ACBD6: variants seen among roughly 807,000 people sequenced by gnomAD.
ACBD6 encodes acyl-CoA-binding domain-containing protein 6.
ACBD6 carries 28 observed loss-of-function variants against 37.2 expected under a neutral mutation model. The observed-to-expected ratio is 0.75, with a 90% CI of 0.56 to 1.03. The LOEUF is 1.03. ACBD6 is among the 50% of genes least tolerant of loss of function. The pLI is 0.00. For synonymous variants in ACBD6, 113 were observed against 126.8 expected, an observed-to-expected ratio of 0.89 and a Z score of 0.73; for missense variants, 340 against 337.4, an observed-to-expected ratio of 1.01 and a Z score of -0.06.
intron 6 of ACBD6, among the ~76,000 whole-genome samples, chr1:180,355,286 A>G (rs1468864817): frequency 6.6e-6 from 1 of 152,226 alleles, no homozygotes; most frequent in African/African-American, 2.4e-5. Flanking sequence ...TCCCAACCTT[A>G]TGCTCTTAAC....
chr1:180,437,519 A>C (rs971464175), intron 3 of ACBD6, among the ~76,000 whole-genome samples: 2 of 152,176 alleles, frequency 1.3e-5, no homozygotes, highest in African/African-American at 4.8e-5. Flanking sequence ...GGAAAAACAC[A>C]GTTTGAAAGT....
Position 180,502,115 on chromosome 1 carries a change from G to A in ACBD6, c.152C>T (p.Ala51Val). 1.2e-6 allele frequency: 2 copies of A among 1,613,940 alleles called. No homozygotes were observed. Among genetic ancestry groups the A allele is most frequent in the Non-Finnish European group, 1.7e-6 (2 of 1,179,920 alleles). The stretch of plus-strand genomic sequence containing the variant: ...CACCTGAATCAGGCCTTGCAGGTGC[G>A]CGGCAGCCTTCTCAAACAGCTCGGC... The part of the protein sequence containing the change: ...CLAELFEKAA[A>V]HLQGLIQVAS... Residue 51 changes from alanine to valine, a missense_variant, in exon 1 of 8, where the codon GCG becomes GTG. Coordinates refer to ENST00000367595, the MANE Select transcript of ACBD6 (RefSeq NM_032360.4).
chr1:180,480,347 T>C (rs1447509617), intron 3 of ACBD6, among the ~76,000 whole-genome samples: 1 of 152,150 alleles, frequency 6.6e-6, no homozygotes, highest in Non-Finnish European at 1.5e-5. Flanking sequence ...AAGTGATAGA[T>C]GCAGATTACT....
intron 7 of ACBD6, among the ~76,000 whole-genome samples, chr1:180,309,108 A>G (rs1203003639): frequency 2.0e-5 from 3 of 152,180 alleles, no homozygotes; most frequent in Admixed American, 2.0e-4. Flanking sequence ...GGCAATTAAC[A>G]TTATTAGCTT....
intron 3 of ACBD6, among the ~76,000 whole-genome samples, chr1:180,451,906 T>A (rs1307424620): frequency 6.6e-6 from 1 of 151,556 alleles, no homozygotes; most frequent in East Asian, 1.9e-4. Context: ...CAGAGAAAAA[T>A]GAAAAAATGT....
intron 6 of ACBD6, among the ~76,000 whole-genome samples, chr1:180,361,103 C>T (rs1276404199): frequency 6.6e-6 from 1 of 152,090 alleles, no homozygotes; most frequent in East Asian, 1.9e-4. Flanking sequence ...TTATTTATCC[C>T]ATTAGAGGAA....
chr1:180,419,505 T>C (rs80250433), intron 4 of ACBD6, among the ~76,000 whole-genome samples: 2,988 of 152,208 alleles, frequency 0.02, 98 homozygotes, highest in African/African-American at 0.067. Flanking sequence ...ACTAGTGAAA[T>C]GACCAAAGGA....
chr1:180,320,340 A>T (rs1252214663), intron 6 of ACBD6, among the ~76,000 whole-genome samples: 3 of 152,276 alleles, frequency 2.0e-5, no homozygotes, highest in Admixed American at 6.5e-5. Flanking sequence ...TGCCCATTTT[A>T]AAATCTGATT....
At chr1:180,320,138 C>T (rs1203337687) in intron 6 of ACBD6, among the ~76,000 whole-genome samples, 1 of 152,158 alleles carries the variant, frequency 6.6e-6, no homozygotes, top group African/African-American at 2.4e-5. Flanking sequence ...ATAAGGGTTC[C>T]CTTTTTTCCA....
At chr1:180,381,722 G>A (rs529323900) in intron 6 of ACBD6, among the ~76,000 whole-genome samples, 1 of 152,136 alleles carries the variant, frequency 6.6e-6, no homozygotes, top group Non-Finnish European at 1.5e-5. Flanking sequence ...TAAAAACAGT[G>A]TTAAGAAGGA....
At chr1:180,351,752 T>C (rs79822178) in intron 6 of ACBD6, among the ~76,000 whole-genome samples, 261 of 152,206 alleles carry the variant, frequency 1.7e-3, no homozygotes, top group African/African-American at 5.8e-3. Context: ...GCTGTGAAAA[T>C]GGCTTGGCAA....
chr1:180,324,330 GT>G (rs1651177930), intron 6 of ACBD6, among the ~76,000 whole-genome samples: 1 of 151,754 alleles, frequency 6.6e-6, no homozygotes, highest in Non-Finnish European at 1.5e-5. Flanking sequence ...AGTGAAGGTA[GT>G]TTTCTCTGTT....
intron 3 of ACBD6, among the ~76,000 whole-genome samples, chr1:180,479,743 A>C (rs1650950515): frequency 6.6e-6 from 1 of 152,114 alleles, no homozygotes; most frequent in African/African-American, 2.4e-5. Context: ...TAATCCCAGC[A>C]CTTTGAGGCG....
chr1:180,357,375 G>A (rs1002631325), intron 6 of ACBD6, among the ~76,000 whole-genome samples: 4 of 152,116 alleles, frequency 2.6e-5, no homozygotes, highest in Admixed American at 6.5e-5. Flanking sequence ...GTAAAGAAAC[G>A]GTAAGTCTTG....
intron 1 of ACBD6, 102 bp from the exon 2 acceptor site, chr1:180,495,627 A>AAC (rs1269467762): frequency 1.1e-6 from 1 of 892,004 alleles, no homozygotes; most frequent in African/African-American, 1.7e-5. Flanking sequence ...CATAGGTTGG[A>AAC]AAATATTTGC....
chr1:180,276,816 G>A (rs1048636384), intron 9 of ACBD6: 1 of 89,912 alleles, frequency 1.1e-5, no homozygotes, highest in South Asian at 4.8e-4. Context: ...TAGTGTGGGG[G>A]AGAGCAGGCT....
intron 6 of ACBD6, among the ~76,000 whole-genome samples, chr1:180,346,034 A>G (rs1174907100): frequency 6.6e-6 from 1 of 152,206 alleles, no homozygotes; most frequent in Non-Finnish European, 1.5e-5. Context: ...GAAATTCTGA[A>G]GCTAAAATTT....
intron 6 of ACBD6, among the ~76,000 whole-genome samples, chr1:180,392,112 A>G: frequency 6.6e-6 from 1 of 152,212 alleles, no homozygotes; most frequent in East Asian, 1.9e-4. Context: ...ATCAGGGGTC[A>G]CAGAAGTTCA....
chr1:180,274,027 T>G, exon 11 of ACBD6: 1 of 827,544 alleles, frequency 1.2e-6, no homozygotes. Context: ...CCTCTGGATA[T>G]CAGGCTGCCA....
Sources: gnomAD v4.1 joint callset for allele counts (sites outside exome capture counted in the v4.1 genomes callset) on GRCh38, gnomAD v4.1.1 for gene constraint, MANE v1.5 for transcripts, NCBI Gene and HGNC (gene_info 2026-07-23, HGNC 2026-07-21) for gene names.